PLPP3: variants seen among roughly 807,000 people sequenced by gnomAD.
PLPP3 encodes the protein PAP2 beta.
In PLPP3, 6 loss-of-function variants were observed where a neutral mutation model predicts 29.6. The ratio of observed to expected loss-of-function variants is 0.20; its 90% CI spans 0.11 to 0.40. PLPP3 has a LOEUF of 0.40. Ranked by LOEUF, PLPP3 falls within the 10% of genes least tolerant of loss-of-function variation. The pLI is 1.00. For missense variants in PLPP3, 308 were observed against 407.7 expected, an observed-to-expected ratio of 0.76 and a Z score of 2.11; for synonymous variants, 152 against 159.7, an observed-to-expected ratio of 0.95 and a Z score of 0.36.
chr1:56,576,198 T>C (rs919244875), intron 1 of PLPP3, among the ~76,000 whole-genome samples: 3 of 152,170 alleles, frequency 2.0e-5, no homozygotes, highest in African/African-American at 7.2e-5. Context: ...TCAGCTTTTA[T>C]TTTTTCCAGA....
rs12737882 is a variant in PLPP3, at chr1:56,503,486, C to T, written c.811-6810G>A. 5.3e-5 allele frequency among the ~76,000 whole-genome samples: 8 copies of T among 152,196 alleles called. No homozygotes were observed. In the East Asian group the frequency reaches 9.7e-4, roughly 18 times the overall value. ...GGCGGATCACTTCAGGTGGGGAGTTCGAGACCAGCCTGACCAACATGGAGA... is the reference window on the plus strand; with the variant it reads ...GGCGGATCACTTCAGGTGGGGAGTTTGAGACCAGCCTGACCAACATGGAGA... On this transcript the variant is annotated intron_variant, in intron 5 of 5. Transcript: ENST00000371250.
chr1:56,529,051 AC>A (rs1645870450), intron 2 of PLPP3, among the ~76,000 whole-genome samples: 1 of 151,682 alleles, frequency 6.6e-6, no homozygotes, highest in African/African-American at 2.4e-5. Context: ...ACTTTCCTAT[AC>A]TCTGATCTGC....
chr1:56,507,309 C>T (rs777285177), intron 5 of PLPP3, among the ~76,000 whole-genome samples: 9 of 152,146 alleles, frequency 5.9e-5, no homozygotes, highest in Non-Finnish European at 1.2e-4. Context: ...TACAAGGCCT[C>T]CAGCTTCAAT....
chr1:56,577,815 G>A (rs184827851), intron 1 of PLPP3, among the ~76,000 whole-genome samples: 2 of 152,214 alleles, frequency 1.3e-5, no homozygotes, highest in East Asian at 3.9e-4. Context: ...TTCAACTGCT[G>A]AGGAAACTGA....
At position 56,495,540 on chromosome 1, in the gene PLPP3, G is replaced by A. The variant is rs1293141276; in HGVS notation, c.*1011C>T. On this transcript the variant is annotated 3_prime_UTR_variant, in exon 6 of 6. Transcript: ENST00000371250. ...CTGAAGGGTAACCTCTCATGCATGAGACTGCCTGCTTCTCTGGCTCCTTCT... is the reference window on the plus strand; with the variant it reads ...CTGAAGGGTAACCTCTCATGCATGAAACTGCCTGCTTCTCTGGCTCCTTCT... 6.5e-6 allele frequency: 1 copy of A among 152,778 alleles called. No homozygotes were observed. The highest frequency in any genetic ancestry group is 2.4e-5 in the African/African-American group (1 of 41,456). 9.5% of individuals were successfully genotyped at this position (152,778 alleles called of 1,614,324 possible). A position where few individuals can be genotyped will look rare whatever the true frequency, so the allele number is the denominator to read the frequency against.
intron 1 of PLPP3, among the ~76,000 whole-genome samples, chr1:56,566,742 T>C (rs1646164333): frequency 6.6e-6 from 1 of 152,222 alleles, no homozygotes; most frequent in Non-Finnish European, 1.5e-5. Flanking sequence ...TTTTGTAATA[T>C]TTGAGGTTTA....
intron 1 of PLPP3, among the ~76,000 whole-genome samples, chr1:56,568,876 C>T (rs765023368): frequency 3.9e-5 from 6 of 152,160 alleles, no homozygotes; most frequent in African/African-American, 7.2e-5. Flanking sequence ...CCACCCCACT[C>T]GGCCTCCCCA....
intron 5 of PLPP3, among the ~76,000 whole-genome samples, chr1:56,508,601 C>A (rs1645719519): frequency 6.6e-6 from 1 of 152,192 alleles, no homozygotes. Flanking sequence ...AAGAAGAGAA[C>A]TTTGCTCCTT....
chr1:56,563,305 A>G (rs1646142421), intron 1 of PLPP3, among the ~76,000 whole-genome samples: 1 of 152,184 alleles, frequency 6.6e-6, no homozygotes, highest in African/African-American at 2.4e-5. Context: ...TCAAATCCCA[A>G]CTGAATAGGG....
At chr1:56,556,998 G>GA (rs375397284) in intron 1 of PLPP3, among the ~76,000 whole-genome samples, 34 of 7,444 alleles carry the variant, frequency 4.6e-3, no homozygotes, top group African/African-American at 9.2e-3. Flanking sequence ...AAGAAAGAAA[G>GA]AAAGAAAGAA....
chr1:56,555,449 A>AACAAAAAAAAAAAAAAAAAAC (rs1553139175), intron 1 of PLPP3, among the ~76,000 whole-genome samples: 1 of 143,390 alleles, frequency 7.0e-6, no homozygotes. Context: ...AAAAAAAAAA[A>AACAAAAAAAAAAAAAAAAAAC]AAAAAAAAAA....
chr1:56,516,810 A>C (rs1300693451), intron 4 of PLPP3: 2 of 150,506 alleles, frequency 1.3e-5, no homozygotes, highest in Non-Finnish European at 2.9e-5. Context: ...CTGATTGTGG[A>C]TATGAGAAAA....
At chr1:56,556,812 G>C (rs972225989) in intron 1 of PLPP3, among the ~76,000 whole-genome samples, 2 of 149,976 alleles carry the variant, frequency 1.3e-5, no homozygotes, top group African/African-American at 4.9e-5. Context: ...TGTAATCCCA[G>C]CAATTTGGGA....
intron 4 of PLPP3, among the ~76,000 whole-genome samples, chr1:56,513,944 A>G (rs909983934): frequency 2.0e-5 from 3 of 152,138 alleles, no homozygotes; most frequent in African/African-American, 7.2e-5. Flanking sequence ...TGATATGTAA[A>G]TACTATTAGA....
Position 56,500,507 on chromosome 1 carries a change from G to A in PLPP3, c.811-3831C>T, listed in dbSNP as rs947001153. Among the ~76,000 whole-genome samples the A allele has an allele frequency of 4.6e-5, 7 of 152,228 alleles. No individual in the cohort carries two copies. The South Asian group carries it at 8.3e-4, about 18-fold the overall frequency. On this transcript the variant is annotated intron_variant, in intron 5 of 5. Transcript: ENST00000371250. Reference sequence around the variant, plus strand: ...AGGGAATAGTGTGTGCAAAGGTACAGGAGAAAGGGAGTACAGCACATCCAG... The same window carrying A: ...AGGGAATAGTGTGTGCAAAGGTACAAGAGAAAGGGAGTACAGCACATCCAG...
intron 5 of PLPP3, among the ~76,000 whole-genome samples, chr1:56,501,848 C>G (rs768831842): frequency 1.4e-4 from 22 of 152,344 alleles, no homozygotes; most frequent in Non-Finnish European, 2.8e-4. Flanking sequence ...CTGACACATT[C>G]TAGCTGGATG....
chr1:56,553,443 T>C (rs1646053567), intron 1 of PLPP3, among the ~76,000 whole-genome samples: 1 of 152,152 alleles, frequency 6.6e-6, no homozygotes, highest in South Asian at 2.1e-4. Flanking sequence ...GGAAAAGCCT[T>C]CTGCACTTGG....
At chr1:56,520,501 G>A (rs552143889) in intron 4 of PLPP3, among the ~76,000 whole-genome samples, 21 of 152,072 alleles carry the variant, frequency 1.4e-4, no homozygotes, top group African/African-American at 3.9e-4. Context: ...AGGGCTTCTC[G>A]GACTGACTGC....
At chr1:56,567,393 CTT>C (rs1172831045) in intron 1 of PLPP3, among the ~76,000 whole-genome samples, 2 of 117,008 alleles carry the variant, frequency 1.7e-5, no homozygotes, top group African/African-American at 3.3e-5. Flanking sequence ...TAAGGTATTT[CTT>C]TTTTTTTTTT....
Sources: allele counts gnomAD v4.1 joint callset (sites outside exome capture counted in the v4.1 genomes callset), GRCh38; gene constraint gnomAD v4.1.1; transcripts MANE v1.5; gene names NCBI Gene and HGNC (gene_info 2026-07-23, HGNC 2026-07-21).